Variants in SHISA9 observed in about 807,000 individuals in gnomAD.
SHISA9 encodes shisa family member 9.
SHISA9 carries 13 observed loss-of-function variants against 38.0 expected under a neutral mutation model. The observed-to-expected ratio is 0.34, with a 90% CI of 0.22 to 0.54. The LOEUF is 0.54. SHISA9 is among the 20% of genes least tolerant of loss of function. The pLI is 0.91. For synonymous variants in SHISA9, 275 were observed against 242.0 expected (o/e 1.14, Z -1.27); for missense variants, 538 against 575.8 (o/e 0.93, Z 0.67).
the SHISA9 span, among the ~76,000 whole-genome samples, chr16:13,350,861 A>G: frequency 6.6e-6 from 1 of 152,210 alleles, no homozygotes; most frequent in Non-Finnish European, 1.5e-5. Flanking sequence ...TATTCTTCAA[A>G]AGAGGCTTTG....
the SHISA9 span, among the ~76,000 whole-genome samples, chr16:13,360,699 A>G: frequency 1.3e-5 from 2 of 152,214 alleles, no homozygotes; most frequent in Non-Finnish European, 2.9e-5. Context: ...GGCTTTTATC[A>G]AAATGGTGGC....
the SHISA9 span, among the ~76,000 whole-genome samples, chr16:13,380,027 A>G: frequency 3.9e-5 from 6 of 152,152 alleles, no homozygotes; most frequent in Admixed American, 6.5e-5. Context: ...AATAAGCATA[A>G]GAGTTGGAAG....
chr16:13,070,982 C>T, intron 2 of SHISA9, among the ~76,000 whole-genome samples: 1 of 152,266 alleles, frequency 6.6e-6, no homozygotes, highest in East Asian at 1.9e-4. Context: ...CTTGACCTGC[C>T]TGGTTCTTCT....
chr16:13,254,932 T>C, the SHISA9 span, among the ~76,000 whole-genome samples: 1 of 152,248 alleles, frequency 6.6e-6, no homozygotes, highest in African/African-American at 2.4e-5. Context: ...GAACCTGAAC[T>C]TGAGCTGTTT....
intron 2 of SHISA9, among the ~76,000 whole-genome samples, chr16:13,176,350 G>A (rs1192471516): frequency 6.6e-6 from 1 of 152,112 alleles, no homozygotes; most frequent in African/African-American, 2.4e-5. Flanking sequence ...CTGCAGAGGT[G>A]CCCATTTTAA....
chr16:13,464,638 G>A, the SHISA9 span, among the ~76,000 whole-genome samples: 1 of 152,022 alleles, frequency 6.6e-6, no homozygotes, highest in Admixed American at 6.6e-5. Flanking sequence ...TCCCTGATTA[G>A]AGCAACCGGA....
At chr16:13,555,959 C>A in the SHISA9 span, among the ~76,000 whole-genome samples, 1 of 152,218 alleles carries the variant, frequency 6.6e-6, no homozygotes, top group Admixed American at 6.5e-5. Context: ...AACAACCTCA[C>A]ACTGCTGGTT....
chr16:12,993,041 A>G (rs2072408684), intron 2 of SHISA9, among the ~76,000 whole-genome samples: 1 of 152,158 alleles, frequency 6.6e-6, no homozygotes, highest in African/African-American at 2.4e-5. Context: ...CTTCATTTCC[A>G]TCTTGGATTT....
the SHISA9 span, among the ~76,000 whole-genome samples, chr16:13,246,058 T>A: frequency 2.6e-5 from 4 of 152,032 alleles, no homozygotes; most frequent in African/African-American, 9.7e-5. Flanking sequence ...GTTTTTTATT[T>A]AAAAAAAATC....
intron 2 of SHISA9, among the ~76,000 whole-genome samples, chr16:13,003,162 G>A (rs1198219749): frequency 1.3e-5 from 2 of 152,114 alleles, no homozygotes; most frequent in African/African-American, 2.4e-5. Flanking sequence ...GAGGAGGATT[G>A]GTGCAAAATG....
the SHISA9 span, among the ~76,000 whole-genome samples, chr16:13,389,646 G>C: frequency 6.6e-6 from 1 of 152,116 alleles, no homozygotes; most frequent in Non-Finnish European, 1.5e-5. Context: ...TCAGCAGGTG[G>C]CAGCATTCCA....
intron 1 of SHISA9, among the ~76,000 whole-genome samples, chr16:12,904,390 GA>G (rs1246654504): frequency 6.6e-6 from 1 of 152,192 alleles, no homozygotes; most frequent in Non-Finnish European, 1.5e-5. Context: ...AGCAGGTGGG[GA>G]GAGGAGCTAA....
the SHISA9 span, among the ~76,000 whole-genome samples, chr16:13,417,181 A>G: frequency 6.6e-6 from 1 of 152,194 alleles, no homozygotes; most frequent in African/African-American, 2.4e-5. Flanking sequence ...AGGAAGTTAG[A>G]GGACTATTAA....
At chr16:13,540,003 G>C in the SHISA9 span, among the ~76,000 whole-genome samples, 2 of 152,132 alleles carry the variant, frequency 1.3e-5, no homozygotes, top group African/African-American at 4.8e-5. Flanking sequence ...ACTGTTGATG[G>C]ACATTTTAGG....
At chr16:13,364,153 T>C in the SHISA9 span, among the ~76,000 whole-genome samples, 2 of 152,378 alleles carry the variant, frequency 1.3e-5, no homozygotes, top group East Asian at 3.9e-4. Flanking sequence ...TTTATTGTCA[T>C]TGGCTTAGCA....
rs186873666 is a variant in SHISA9, at chr16:13,085,793, C to A, written c.692-117601C>A. Among the ~76,000 whole-genome samples, 204 of 152,212 alleles carry A rather than the reference C, an allele frequency of 1.3e-3. 2 individuals carry two copies. The highest frequency in any genetic ancestry group is 4.5e-3 in the African/African-American group (186 of 41,522). ...AGGGGACTTTTACAGAATAAAGGAACCTCTGTTGAAGGTTCTAATAAAAAA... is the reference window on the plus strand; with the variant it reads ...AGGGGACTTTTACAGAATAAAGGAAACTCTGTTGAAGGTTCTAATAAAAAA... On this transcript the variant is annotated intron_variant, in intron 2 of 4. Transcript: ENST00000558583.
chr16:13,528,082 C>G, the SHISA9 span, among the ~76,000 whole-genome samples: 17 of 152,258 alleles, frequency 1.1e-4, no homozygotes, highest in African/African-American at 3.9e-4. Context: ...CACTAGTATA[C>G]TGCCTGGCAC....
rs1443863837 is a variant in SHISA9, at chr16:13,237,382, A to T, written c.*1973A>T. Reference sequence around the variant, plus strand: ...CTGTTTTTAAAAATGAGATCTTTTGACCAGGCACAGTGGCTCACACCTAAA... The same window carrying T: ...CTGTTTTTAAAAATGAGATCTTTTGTCCAGGCACAGTGGCTCACACCTAAA... On this transcript the variant is annotated 3_prime_UTR_variant, in exon 5 of 5. Transcript: ENST00000558583. 6.6e-6 allele frequency: 1 copy of T among 152,086 alleles called. No homozygotes were observed. The highest frequency in any genetic ancestry group is 1.5e-5 in the Non-Finnish European group (1 of 68,018). 9.4% of individuals were successfully genotyped at this position (152,086 alleles called of 1,614,324 possible).
chr16:13,382,040 T>A, the SHISA9 span, among the ~76,000 whole-genome samples: 3 of 152,070 alleles, frequency 2.0e-5, no homozygotes, highest in Admixed American at 6.5e-5. Flanking sequence ...GTTGAAAAAA[T>A]TTTAAAGTTT....
Sources: allele counts gnomAD v4.1 joint callset (sites outside exome capture counted in the v4.1 genomes callset), GRCh38; gene constraint gnomAD v4.1.1; transcripts MANE v1.5; gene names NCBI Gene and HGNC (gene_info 2026-07-23, HGNC 2026-07-21).